The following VIT variants were observed in gnomAD, a reference collection of about 807,000 sequenced individuals.
The protein encoded by VIT is vitrin.
Under a neutral mutation model 78.0 loss-of-function variants are expected in VIT, and 99 were observed. That is an observed-to-expected ratio of 1.27 (90% CI 1.08 to 1.50). VIT has a LOEUF of 1.50. Among genes scored for constraint, VIT ranks in the 40% most tolerant of loss-of-function variants. The pLI is 0.00. For missense variants in VIT, 1,126 were observed against 875.3 expected (o/e 1.29, Z -3.61); for synonymous variants, 374 against 334.3 (o/e 1.12, Z -1.29).
chr2:36,703,684 T>C (rs1449578723), intron 1 of VIT, among the ~76,000 whole-genome samples: 1 of 152,176 alleles, frequency 6.6e-6, no homozygotes, highest in Non-Finnish European at 1.5e-5. Context: ...CACTTTATTA[T>C]AGAAGGTATG....
chr2:36,791,994 C>T (rs1304365599), intron 12 of VIT, among the ~76,000 whole-genome samples: 1 of 151,930 alleles, frequency 6.6e-6, no homozygotes, highest in Non-Finnish European at 1.5e-5. Flanking sequence ...TGGGGGCTGG[C>T]AGAGGTGAAT....
At chr2:36,746,164 T>C (rs978836904) in intron 4 of VIT, among the ~76,000 whole-genome samples, 2 of 152,188 alleles carry the variant, frequency 1.3e-5, no homozygotes, top group Admixed American at 1.3e-4. Flanking sequence ...GCCTACTTGA[T>C]TGCGGTGAAT....
At chr2:36,771,506 A>T (rs1669753547) in intron 7 of VIT, among the ~76,000 whole-genome samples, 1 of 151,106 alleles carries the variant, frequency 6.6e-6, no homozygotes, top group South Asian at 2.1e-4. Context: ...AGCCTGGGTA[A>T]TAGAGTGAGA....
intron 14 of VIT, among the ~76,000 whole-genome samples, chr2:36,806,016 A>ACACACGCG (rs1558591564): frequency 1.3e-5 from 2 of 151,798 alleles, no homozygotes; most frequent in East Asian, 3.9e-4. Flanking sequence ...ACACACACGC[A>ACACACGCG]CACACACACA....
chr2:36,774,822 G>T (rs1669955020), intron 8 of VIT, 180 bp from the exon 9 acceptor site: 2 of 985,274 alleles, frequency 2.0e-6, no homozygotes, highest in Non-Finnish European at 2.4e-6. Context: ...GTTTCCTCCT[G>T]TCCCCTTGGC....
chr2:36,774,058 C>G (rs1669914290), intron 8 of VIT, among the ~76,000 whole-genome samples: 1 of 152,124 alleles, frequency 6.6e-6, no homozygotes, highest in Non-Finnish European at 1.5e-5. Context: ...TCTCTGTTCC[C>G]CTGAAGCGAG....
intron 2 of VIT, among the ~76,000 whole-genome samples, chr2:36,728,210 C>T (rs1377910367): frequency 6.6e-6 from 1 of 152,034 alleles, no homozygotes; most frequent in Admixed American, 6.5e-5. Context: ...GGATTACAGG[C>T]GTGAGCCACC....
At chr2:36,798,441 A>T (rs1300308961) in intron 12 of VIT, among the ~76,000 whole-genome samples, 1 of 152,208 alleles carries the variant, frequency 6.6e-6, no homozygotes, top group Non-Finnish European at 1.5e-5. Flanking sequence ...TGTACATAGC[A>T]TTTACTGAAA....
intron 1 of VIT, among the ~76,000 whole-genome samples, chr2:36,706,168 C>T (rs1665406908): frequency 6.6e-6 from 1 of 152,160 alleles, no homozygotes. Context: ...GATTTCTTGC[C>T]ACACTTCTTC....
chr2:36,727,228 C>A (rs890738910), intron 2 of VIT, among the ~76,000 whole-genome samples: 1 of 152,120 alleles, frequency 6.6e-6, no homozygotes, highest in Non-Finnish European at 1.5e-5. Flanking sequence ...TCCCAGACAG[C>A]CTCTCTTCTG....
rs574242849 is a variant in VIT at position 36,771,415 on chromosome 2, A to G, written c.680-2376A>G. ...GTGGTGTGCACCTGTAATACCGGCT[A>G]CTCAGGAGGCTGAGCCAGGAGAATC... is the stretch of plus-strand genomic sequence containing the variant. On this transcript the variant is annotated intron_variant, in intron 7 of 15. Transcript: ENST00000379242. Among the ~76,000 whole-genome samples, 515 of 151,988 alleles carry G rather than the reference A, an allele frequency of 3.4e-3. 4 individuals carry two copies. Among genetic ancestry groups the G allele is most frequent in the African/African-American group, 0.012 (495 of 41,438 alleles).
rs1204626346 is a variant in VIT at position 36,773,815 on chromosome 2, C to A, written c.704C>A (p.Thr235Lys). Residue 235 changes from threonine to lysine, a missense_variant, in exon 8 of 16, where the codon ACA (threonine) becomes AAA (lysine). Transcript: ENST00000379242. ...GATCTCTGGTCCACTGCCACCTACACAAGCAGCCAAAACAGGCCCAGAGCT... is the reference window on the plus strand; with the variant it reads ...GATCTCTGGTCCACTGCCACCTACAAAAGCAGCCAAAACAGGCCCAGAGCT... ...EMDLWSTATY[T>K]SSQNRPRADP... 3.7e-6 allele frequency: 6 copies of A among 1,605,166 alleles called. No individual in the cohort carries two copies. The highest frequency in any genetic ancestry group is 1.1e-5 in the South Asian group (1 of 89,262).
intron 13 of VIT, 26 bp downstream of exon 13, chr2:36,801,430 C>G (rs1217348056): frequency 1.3e-6 from 2 of 1,544,676 alleles, no homozygotes; most frequent in Non-Finnish European, 1.8e-6. Context: ...TCAAATTATA[C>G]TATCTTGCTA....
intron 1 of VIT, among the ~76,000 whole-genome samples, chr2:36,711,489 G>A (rs1162095566): frequency 2.6e-5 from 4 of 152,136 alleles, no homozygotes; most frequent in African/African-American, 9.7e-5. Flanking sequence ...TTGACTTTGG[G>A]TATGTGACCT....
intron 1 of VIT, among the ~76,000 whole-genome samples, chr2:36,711,921 G>A (rs1416306634): frequency 6.6e-6 from 1 of 152,130 alleles, no homozygotes; most frequent in Non-Finnish European, 1.5e-5. Context: ...GATTCTTTAT[G>A]TTATATCTCA....
chr2:36,781,627 G>T, intron 9 of VIT, 100 bp from the exon 10 acceptor site: 1 of 1,361,318 alleles, frequency 7.3e-7, no homozygotes, highest in South Asian at 1.3e-5. Context: ...TGAACTTTCA[G>T]ACACAATTGG....
intron 1 of VIT, among the ~76,000 whole-genome samples, chr2:36,706,906 G>A (rs1304662503): frequency 3.9e-5 from 6 of 152,180 alleles, no homozygotes; most frequent in Admixed American, 2.0e-4. Context: ...TGGCAGGGTA[G>A]AAAGTGCGCA....
Position 36,809,579 on chromosome 2 carries a change from G to T in VIT, c.1903+594G>T, listed in dbSNP as rs149515852. On this transcript the variant is annotated intron_variant, in intron 15 of 15. Coordinates refer to ENST00000379242, the MANE Select transcript of VIT (RefSeq NM_053276.4). Reference sequence around the variant, plus strand: ...ATTACAGGCATGTGCCACCACACCCGGCTAATTTTTGTATTTTTAGTAGAG... The same window carrying T: ...ATTACAGGCATGTGCCACCACACCCTGCTAATTTTTGTATTTTTAGTAGAG... Among the ~76,000 whole-genome samples, 1,417 of 152,032 alleles carry T rather than the reference G, an allele frequency of 9.3e-3. 11 individuals are homozygous for T. The highest frequency in any genetic ancestry group is 0.013 in the Non-Finnish European group (866 of 67,968).
chr2:36,760,940 C>T (rs1415781304), intron 6 of VIT, among the ~76,000 whole-genome samples: 1 of 152,136 alleles, frequency 6.6e-6, no homozygotes, highest in Non-Finnish European at 1.5e-5. Context: ...CTGGCATGAG[C>T]CACTCCAGCT....
Sources: allele counts gnomAD v4.1 joint callset (sites outside exome capture counted in the v4.1 genomes callset), GRCh38; gene constraint gnomAD v4.1.1; transcripts MANE v1.5; gene names NCBI Gene and HGNC (gene_info 2026-07-23, HGNC 2026-07-21).